The following PLPP3 variants were observed in gnomAD, a reference collection of about 807,000 sequenced individuals.
PLPP3 encodes the protein PAP2 beta.
Under a neutral mutation model 29.6 loss-of-function variants are expected in PLPP3, and 6 were observed. The ratio of observed to expected loss-of-function variants is 0.20; its 90% CI spans 0.11 to 0.40. The LOEUF (loss-of-function observed/expected upper bound fraction) is 0.40, where lower values mean the gene tolerates loss of function less well. Ranked by LOEUF, PLPP3 falls within the 10% of genes least tolerant of loss-of-function variation. The pLI is 1.00. For missense variants in PLPP3, 308 were observed against 407.7 expected, an observed-to-expected ratio of 0.76 and a Z score of 2.11; for synonymous variants, 152 against 159.7, an observed-to-expected ratio of 0.95 and a Z score of 0.36.
At chr1:56,561,079 C>A (rs1260530903) in intron 1 of PLPP3, among the ~76,000 whole-genome samples, 1 of 150,232 alleles carries the variant, frequency 6.7e-6, no homozygotes, top group Non-Finnish European at 1.5e-5. Context: ...GATCTCCTGA[C>A]CTTGTGATCC....
intron 2 of PLPP3, among the ~76,000 whole-genome samples, chr1:56,527,129 G>A (rs1645857780): frequency 6.6e-6 from 1 of 152,120 alleles, no homozygotes; most frequent in South Asian, 2.1e-4. Flanking sequence ...ACAATTCAGG[G>A]ATTCTTTTCA....
intron 1 of PLPP3, among the ~76,000 whole-genome samples, chr1:56,539,160 T>A (rs571500340): frequency 8.5e-5 from 13 of 152,278 alleles, no homozygotes; most frequent in Admixed American, 7.2e-4. Context: ...AATCCCTAAT[T>A]TAACTTTGCA....
At chr1:56,510,563 C>A (rs1645735099) in intron 5 of PLPP3, among the ~76,000 whole-genome samples, 1 of 152,190 alleles carries the variant, frequency 6.6e-6, no homozygotes. Context: ...CTGAAGCCCC[C>A]TACACATGTC....
rs1176222349 is a variant in PLPP3 at position 56,556,952 on chromosome 1, GAGAAAGAA to G, written c.140-19848_140-19841del. On this transcript the variant is annotated intron_variant, in intron 1 of 5. Coordinates refer to ENST00000371250, the MANE Select transcript of PLPP3 (RefSeq NM_003713.5). ...AGAGAGAGAGAGAGAGAGAGACAGA[GAGAAAGAA>G]AGAAAGAAAGAAAGAAAGAAAGAAA... Among the ~76,000 whole-genome samples the G allele has an allele frequency of 1.1e-4, 6 of 55,422 alleles. 1 individual carries two copies. Among genetic ancestry groups the G allele is most frequent in the African/African-American group, 1.6e-4 (2 of 12,774 alleles). 36.4% of individuals were successfully genotyped at this position (55,422 alleles called of 152,430 possible). A position where few individuals can be genotyped will look rare whatever the true frequency, so the allele number is the denominator to read the frequency against.
chr1:56,532,609 T>C (rs757123618), intron 2 of PLPP3, among the ~76,000 whole-genome samples: 1 of 152,160 alleles, frequency 6.6e-6, no homozygotes, highest in Non-Finnish European at 1.5e-5. Flanking sequence ...ACAGAGTGTG[T>C]TCCCATGTGC....
chr1:56,526,636 G>C (rs1185044700), intron 2 of PLPP3, among the ~76,000 whole-genome samples: 1 of 152,172 alleles, frequency 6.6e-6, no homozygotes, highest in Admixed American at 6.5e-5. Context: ...GAGTCAAGTA[G>C]CCGAGGTTCA....
chr1:56,561,629 T>C (rs1457829899), intron 1 of PLPP3, among the ~76,000 whole-genome samples: 1 of 152,190 alleles, frequency 6.6e-6, no homozygotes, highest in Non-Finnish European at 1.5e-5. Flanking sequence ...TATATACTTT[T>C]TTTCAATGAA....
intron 4 of PLPP3, among the ~76,000 whole-genome samples, chr1:56,519,895 G>A (rs1645807709): frequency 6.6e-6 from 1 of 152,122 alleles, no homozygotes; most frequent in African/African-American, 2.4e-5. Context: ...CTAACATGAA[G>A]TGCCCTTAAA....
At chr1:56,544,312 T>C (rs61772622) in intron 1 of PLPP3, among the ~76,000 whole-genome samples, 14,120 of 152,220 alleles carry the variant, frequency 0.093, 871 homozygotes, top group Middle Eastern at 0.13. Context: ...ATATCTTTAA[T>C]TGAAAGAACT....
At chr1:56,511,126 T>G (rs1569867914) in intron 5 of PLPP3, among the ~76,000 whole-genome samples, 1 of 152,190 alleles carries the variant, frequency 6.6e-6, no homozygotes, top group South Asian at 2.1e-4. Context: ...TGGGGTGAGC[T>G]CCCCTCAGTA....
At chr1:56,541,229 A>C (rs1438129188) in intron 1 of PLPP3, among the ~76,000 whole-genome samples, 1 of 152,170 alleles carries the variant, frequency 6.6e-6, no homozygotes, top group Non-Finnish European at 1.5e-5. Context: ...GGCTAAGTAC[A>C]ACCATAAAAA....
chr1:56,508,756 G>A (rs554251171), intron 5 of PLPP3, among the ~76,000 whole-genome samples: 2 of 152,126 alleles, frequency 1.3e-5, no homozygotes, highest in Non-Finnish European at 2.9e-5. Context: ...CCATGAGGCA[G>A]ATGCCTGTCA....
intron 1 of PLPP3, among the ~76,000 whole-genome samples, chr1:56,546,873 C>A (rs904950571): frequency 1.1e-4 from 16 of 152,256 alleles, no homozygotes; most frequent in African/African-American, 3.1e-4. Flanking sequence ...CTATGTGATA[C>A]TAAATGGGAA....
At chr1:56,507,666 C>G (rs1327988388) in intron 5 of PLPP3, among the ~76,000 whole-genome samples, 1 of 152,106 alleles carries the variant, frequency 6.6e-6, no homozygotes, top group Non-Finnish European at 1.5e-5. Context: ...CAAAGATGCC[C>G]GCATCCTAAG....
At chr1:56,536,129 C>T (rs757369327) in intron 2 of PLPP3, among the ~76,000 whole-genome samples, 9 of 152,156 alleles carry the variant, frequency 5.9e-5, no homozygotes, top group Non-Finnish European at 8.8e-5. Flanking sequence ...TTGGGTATAG[C>T]GGGCTCCTTT....
At chr1:56,573,040 T>C (rs1297078526) in intron 1 of PLPP3, among the ~76,000 whole-genome samples, 1 of 152,234 alleles carries the variant, frequency 6.6e-6, no homozygotes, top group African/African-American at 2.4e-5. Flanking sequence ...CTACACTACT[T>C]TGCCAAGCTT....
At chr1:56,544,383 C>A (rs1041152557) in intron 1 of PLPP3, among the ~76,000 whole-genome samples, 4 of 152,136 alleles carry the variant, frequency 2.6e-5, no homozygotes. Flanking sequence ...TCTAGTGAAA[C>A]ACAACTACCA....
At chr1:56,556,807 T>C (rs959698543) in intron 1 of PLPP3, among the ~76,000 whole-genome samples, 1 of 149,704 alleles carries the variant, frequency 6.7e-6, no homozygotes, top group Middle Eastern at 3.5e-3. Flanking sequence ...ACACTTGTAA[T>C]CCCAGCAATT....
chr1:56,513,982 G>C (rs1344703082), intron 4 of PLPP3, among the ~76,000 whole-genome samples: 2 of 151,594 alleles, frequency 1.3e-5, no homozygotes, highest in African/African-American at 4.8e-5. Flanking sequence ...AAAAGATGTG[G>C]GGAAAAAATT....
Sources: gnomAD v4.1 joint callset for allele counts (sites outside exome capture counted in the v4.1 genomes callset) on GRCh38, gnomAD v4.1.1 for gene constraint, MANE v1.5 for transcripts, NCBI Gene and HGNC (gene_info 2026-07-23, HGNC 2026-07-21) for gene names.